Variants in CASKIN1 observed in about 807,000 individuals in gnomAD.
CASKIN1 encodes caskin-1.
Under a neutral mutation model 117.5 loss-of-function variants are expected in CASKIN1, and 42 were observed. The ratio of observed to expected loss-of-function variants is 0.36; its 90% CI spans 0.28 to 0.46. The LOEUF (loss-of-function observed/expected upper bound fraction) is 0.46, where lower values mean the gene tolerates loss of function less well. CASKIN1 is among the 20% of genes least tolerant of loss of function. The pLI is 1.00. For synonymous variants in CASKIN1, 1,148 were observed against 961.7 expected (o/e 1.19, Z -3.59); for missense variants, 2,083 against 2,077.3 (o/e 1.00, Z -0.05).
chr16:2,187,483 C>A, intron 6 of CASKIN1, 22 bp from the exon 7 acceptor site: 1 of 1,590,450 alleles, frequency 6.3e-7, no homozygotes, highest in Non-Finnish European at 8.5e-7. Context: ...GCAAGGTGGA[C>A]AGGCGGGGCC....
Position 2,180,889 on chromosome 16 carries a change from G to C in CASKIN1, c.2479C>G (p.Pro827Ala). ...PMSPRSLPQS[P>A]THRGFAYVLP... ...ACGTAGGCAAAGCCGCGGTGCGTCG[G>C]TGACTGAGGCAGGGAGCGGGGTGAC... Residue 827 changes from proline (P) to alanine (A), a missense_variant, in exon 18 of 20, where the codon CCG becomes GCG. Physicochemically the swap from Pro to Ala is conservative, Grantham distance 27. Around this residue, in one of 3 missense-constraint regions of CASKIN1, gnomAD observed 1,818 missense variants for 1,688.9 expected, o/e 1.08. Coordinates refer to ENST00000343516, the MANE Select transcript of CASKIN1 (RefSeq NM_020764.4). 1 of 1,440,954 alleles carries C rather than the reference G, an allele frequency of 6.9e-7. No individual in the cohort carries two copies. The highest frequency in any genetic ancestry group is 9.1e-7 in the Non-Finnish European group (1 of 1,104,128). 89.3% of individuals were successfully genotyped at this position (1,440,954 alleles called of 1,614,324 possible). A position where few individuals can be genotyped will look rare whatever the true frequency, so the allele number is the denominator to read the frequency against.
chr16:2,194,303 C>T lies in CASKIN1; in HGVS notation c.94+2036G>A, dbSNP rs1301236482. Among the ~76,000 whole-genome samples, 3 of 152,272 alleles carry T rather than the reference C, an allele frequency of 2.0e-5. No individual in the cohort carries two copies. The East Asian group carries it at 5.8e-4, about 29-fold the overall frequency. ...CCTCCTGGCCAGCAGGAGGCCAGCCCCTGCACCGGCATCTCCCCCAGAACA... is the reference window on the plus strand; with the variant it reads ...CCTCCTGGCCAGCAGGAGGCCAGCCTCTGCACCGGCATCTCCCCCAGAACA... On this transcript the variant is annotated intron_variant, in intron 1 of 19. Transcript: ENST00000343516.
chr16:2,178,430 T>G lies in CASKIN1; in HGVS notation c.*120A>C. The G allele has an allele frequency of 5.8e-6, 4 of 685,008 alleles. No homozygotes were observed. Among genetic ancestry groups the G allele is most frequent in the Non-Finnish European group, 8.8e-6 (4 of 456,616 alleles). The allele number at this position is 685,008 out of a possible 1,614,324, so 42.4% of individuals were successfully genotyped here. On this transcript the variant is annotated 3_prime_UTR_variant, in exon 20 of 20. Coordinates refer to ENST00000343516, the MANE Select transcript of CASKIN1 (RefSeq NM_020764.4). The stretch of plus-strand genomic sequence containing the variant: ...CCCGGCCCGGGTCCAGGGGCCGGAG[T>G]TGTGCTTCTGCAGGGCCCTGCCCGG...
chr16:2,184,745 GC>G (rs757189447), intron 14 of CASKIN1, 31 bp downstream of exon 14: 14 of 1,462,684 alleles, frequency 9.6e-6, no homozygotes, highest in Admixed American at 2.6e-5. Flanking sequence ...TCTCCCCGGA[GC>G]CCACGCTGAG....
At position 2,189,338 on chromosome 16, in the gene CASKIN1, G is replaced by C; in HGVS notation, c.391-5C>G. ...GTGCTGTAGCAGCATCTCAGACTGG[G>C]GGCCAAGGGCGCAGTCAGGTCCGCA... On this transcript the variant is annotated splice_polypyrimidine_tract_variant and splice_region_variant and intron_variant, in intron 4 of 19. Transcript: ENST00000343516. 1.2e-6 allele frequency: 2 copies of C among 1,612,828 alleles called. No individual in the cohort carries two copies. The highest frequency in any genetic ancestry group is 1.7e-6 in the Non-Finnish European group (2 of 1,179,866).
intron 16 of CASKIN1, among the ~76,000 whole-genome samples, chr16:2,183,437 C>T (rs562933662): frequency 1.3e-5 from 2 of 152,276 alleles, no homozygotes; most frequent in East Asian, 1.9e-4. Flanking sequence ...CCCTCAGCAA[C>T]GACGACCCCT....
intron 14 of CASKIN1, 89 bp from the exon 15 acceptor site, chr16:2,184,030 C>T (rs1232694841): frequency 1.1e-5 from 9 of 853,052 alleles, no homozygotes; most frequent in African/African-American, 5.1e-5. Flanking sequence ...GCCGGCCAGC[C>T]GTGCAGCCAC....
Position 2,181,528 on chromosome 16 carries a change from C to T in CASKIN1, c.1840G>A (p.Glu614Lys), listed in dbSNP as rs577001878. The T allele has an allele frequency of 1.2e-6, 2 of 1,603,710 alleles. No individual in the cohort carries two copies. Among genetic ancestry groups the T allele is most frequent in the African/African-American group, 2.7e-5 (2 of 74,930 alleles). Reference sequence around the variant, plus strand: ...GCCTTCCGGCGCAGGGGGCCCCCCTCATACTTGGCGTATTCAGCCTTCTGC... The same window carrying T: ...GCCTTCCGGCGCAGGGGGCCCCCCTTATACTTGGCGTATTCAGCCTTCTGC... ...ELQKAEYAKY[E>K]GGPLRRKAPQ... Residue 614 changes from glutamate (E) to lysine (K), a missense_variant, in exon 18 of 20, where the codon GAG becomes AAG. This residue lies in a region of CASKIN1 where 1,818 missense variants were observed against 1,688.9 expected (regional missense o/e 1.08). Transcript: ENST00000343516.
Position 2,189,571 on chromosome 16 carries a change from G to A in CASKIN1, c.245-7C>T. ...TAGTGCAGCGGCCGCATGCCTGGGGGGCGAGGGGATGCTGGGAGCTGACCC... is the reference window on the plus strand; with the variant it reads ...TAGTGCAGCGGCCGCATGCCTGGGGAGCGAGGGGATGCTGGGAGCTGACCC... On this transcript the variant is annotated splice_region_variant and splice_polypyrimidine_tract_variant and intron_variant, in intron 3 of 19. Transcript: ENST00000343516. 1 of 1,595,048 alleles carries A rather than the reference G, an allele frequency of 6.3e-7. No individual in the cohort carries two copies. Among genetic ancestry groups the A allele is most frequent in the Non-Finnish European group, 8.5e-7 (1 of 1,172,526 alleles).
chr16:2,189,685 A>AC (rs1272983416), intron 3 of CASKIN1, 121 bp from the exon 4 acceptor site: 90 of 970,260 alleles, frequency 9.3e-5, no homozygotes, highest in Non-Finnish European at 1.3e-4. Context: ...GGAGGGCGCT[A>AC]GGAGCTGACT....
In CASKIN1 at chr16:2,180,257, C is replaced by A. The variant is rs777189256; in HGVS notation, c.3111G>T (p.Pro1037=). 6.4e-7 allele frequency: 1 copy of A among 1,556,808 alleles called. No homozygotes were observed. The highest frequency in any genetic ancestry group is 1.2e-5 in the South Asian group (1 of 85,060). Residue 1037 remains proline, a synonymous_variant, in exon 18 of 20, where the codon CCG becomes CCT. Coordinates refer to ENST00000343516, the MANE Select transcript of CASKIN1 (RefSeq NM_020764.4). The part of the protein sequence containing the change: ...HPTPRPASPE[P]GRVATVLASV... ...AGGCCAGCACGGTGGCCACCCGGCCCGGCTCTGGGCTGGCAGGGCGGGGAG... is the reference window on the plus strand; with the variant it reads ...AGGCCAGCACGGTGGCCACCCGGCCAGGCTCTGGGCTGGCAGGGCGGGGAG...
chr16:2,195,226 A>G (rs1208769733), intron 1 of CASKIN1, among the ~76,000 whole-genome samples: 3 of 152,172 alleles, frequency 2.0e-5, no homozygotes, highest in African/African-American at 7.2e-5. Context: ...CTAGCCAGTC[A>G]TGGGCTGCTG....
At position 2,180,557 on chromosome 16, in the gene CASKIN1, G is replaced by C. The variant is rs376019786; in HGVS notation, c.2811C>G (p.Ala937=). The C allele has an allele frequency of 6.4e-7, 1 of 1,554,382 alleles. No individual in the cohort carries two copies. The highest frequency in any genetic ancestry group is 8.6e-7 in the Non-Finnish European group (1 of 1,156,648). Residue 937 remains alanine, a synonymous_variant, in exon 18 of 20, where the codon GCC becomes GCG. Transcript: ENST00000343516. ...GGGGCCCCTTCTTTCGGGGCCGCAC[G>C]GCAAAGGACTGGCTGCGGTTGACGT... ...DKNVNRSQSF[A]VRPRKKGPPP...
At position 2,180,170 on chromosome 16, in the gene CASKIN1, G is replaced by A. The variant is rs1231938271; in HGVS notation, c.3198C>T (p.Leu1066=). The stretch of plus-strand genomic sequence containing the variant: ...CCAGAAGTCCGGTGACTGGCCCGCT[G>A]AGCGTGCGGCGCCGGTTCACCACCT... ...GGEVVNRRRT[L]SGPVTGLLAT... The change falls in exon 18 of 20, where the codon CTC becomes CTT. Residue 1066 remains leucine, a synonymous_variant. Transcript: ENST00000343516. 8 of 1,551,734 alleles carry A rather than the reference G, an allele frequency of 5.2e-6. No individual in the cohort carries two copies. Among genetic ancestry groups the A allele is most frequent in the Non-Finnish European group, 7.0e-6 (8 of 1,148,590 alleles).
chr16:2,184,039 A>G (rs2093176265), intron 14 of CASKIN1, 98 bp from the exon 15 acceptor site: 1 of 770,398 alleles, frequency 1.3e-6, no homozygotes, highest in African/African-American at 1.8e-5. Flanking sequence ...CCGTGCAGCC[A>G]CTGCGTCCGC....
rs765516381 is a variant in CASKIN1, at chr16:2,180,023, C to T, written c.3345G>A (p.Leu1115=). The T allele has an allele frequency of 2.7e-5, 43 of 1,592,240 alleles. No homozygotes were observed. In the South Asian group the frequency reaches 4.6e-4, roughly 17 times the overall value. Residue 1115 remains leucine (L), a synonymous_variant, in exon 18 of 20, where the codon TTG becomes TTA. Coordinates refer to ENST00000343516, the MANE Select transcript of CASKIN1 (RefSeq NM_020764.4). ...GTGTGGCGCTGGCTTCCACCTTGGCCAAGGGCGGGCCTTCGACACCCGCCT... is the reference window on the plus strand; with the variant it reads ...GTGTGGCGCTGGCTTCCACCTTGGCTAAGGGCGGGCCTTCGACACCCGCCT... ...KGEAGVEGPP[L]AKVEASATLK...
Position 2,186,837 on chromosome 16 carries a change from G to A in CASKIN1, c.931-13C>T. The stretch of plus-strand genomic sequence containing the variant: ...GCTGCTCGAGGACCTGGCCAGTAAG[G>A]TGGGGGGCGCTCAGGGAGATGCCCC... On this transcript the variant is annotated splice_polypyrimidine_tract_variant and intron_variant, in intron 9 of 19. Coordinates refer to ENST00000343516, the MANE Select transcript of CASKIN1 (RefSeq NM_020764.4). 4 of 1,612,176 alleles carry A rather than the reference G, an allele frequency of 2.5e-6. No homozygotes were observed. Among genetic ancestry groups the A allele is most frequent in the South Asian group, 2.2e-5 (2 of 91,024 alleles).
rs752950329 is a variant in CASKIN1 at position 2,180,029 on chromosome 16, C to T, written c.3339G>A (p.Pro1113=). Residue 1113 remains proline, a synonymous_variant, in exon 18 of 20, where the codon CCG becomes CCA. Transcript: ENST00000343516. ...PSKGEAGVEG[P]PLAKVEASAT... is the part of the protein sequence containing the mutation. ...CGCTGGCTTCCACCTTGGCCAAGGG[C>T]GGGCCTTCGACACCCGCCTCGCCCT... 2.5e-5 allele frequency: 39 copies of T among 1,587,748 alleles called. No homozygotes were observed. The highest frequency in any genetic ancestry group is 2.6e-5 in the Non-Finnish European group (30 of 1,166,698).
At position 2,177,688 on chromosome 16, in the gene CASKIN1, GCCCT is replaced by G. The variant is rs2093145201; in HGVS notation, c.*858_*861del. ...AAGCCCGTGGCCTGGCCTGCTACAT[GCCCT>G]GCTTCCACGTGGCTGCCACGCTGAC... On this transcript the variant is annotated 3_prime_UTR_variant, in exon 20 of 20. Coordinates refer to ENST00000343516, the MANE Select transcript of CASKIN1 (RefSeq NM_020764.4). The G allele has an allele frequency of 4.1e-6, 1 of 244,858 alleles. No homozygotes were observed. The highest frequency in any genetic ancestry group is 8.0e-6 in the Non-Finnish European group (1 of 124,610). 15.2% of individuals were successfully genotyped at this position (244,858 alleles called of 1,614,324 possible).
Sources: allele counts gnomAD v4.1 joint callset (sites outside exome capture counted in the v4.1 genomes callset), GRCh38; gene constraint gnomAD v4.1.1; regional missense constraint gnomAD v4.1.1; transcripts MANE v1.5; gene names NCBI Gene and HGNC (gene_info 2026-07-23, HGNC 2026-07-21).